COBL: variants seen among roughly 807,000 people sequenced by gnomAD.
COBL encodes protein cordon-bleu.
In COBL, 51 loss-of-function variants were observed where a neutral mutation model predicts 98.8. The observed-to-expected ratio is 0.52, with a 90% CI of 0.41 to 0.65. The LOEUF is 0.65. Among genes scored for constraint, COBL ranks in the 30% least tolerant of loss-of-function variants. The pLI is 0.00. For synonymous variants in COBL, 634 were observed against 651.7 expected, an observed-to-expected ratio of 0.97 and a Z score of 0.41; for missense variants, 1,617 against 1,617.5, an observed-to-expected ratio of 1.00 and a Z score of 0.01.
intron 1 of COBL, among the ~76,000 whole-genome samples, chr7:51,316,087 G>T (rs1412547603): frequency 6.6e-6 from 1 of 152,298 alleles, no homozygotes; most frequent in East Asian, 1.9e-4. Context: ...TGCGAAGCCG[G>T]GGAGCCCTCC....
intron 5 of COBL, among the ~76,000 whole-genome samples, chr7:51,151,542 A>G (rs950103844): frequency 2.6e-5 from 4 of 152,234 alleles, no homozygotes; most frequent in African/African-American, 9.6e-5. Context: ...TGATTTTTTA[A>G]AAAAGAGATT....
intron 8 of COBL, chr7:51,036,065 G>A (rs1788605894): frequency 6.6e-6 from 1 of 152,150 alleles, no homozygotes; most frequent in African/African-American, 2.4e-5. Flanking sequence ...ATAGTAGCTG[G>A]GTGCGGTGGC....
intron 5 of COBL, among the ~76,000 whole-genome samples, chr7:51,139,339 C>A (rs892117178): frequency 6.6e-6 from 1 of 152,160 alleles, no homozygotes; most frequent in African/African-American, 2.4e-5. Context: ...ACTGAGATGA[C>A]CTTGAATGGC....
At chr7:51,183,601 A>G (rs2129051950) in intron 5 of COBL, among the ~76,000 whole-genome samples, 1 of 152,370 alleles carries the variant, frequency 6.6e-6, no homozygotes, top group South Asian at 2.1e-4. Flanking sequence ...GTACATTCCC[A>G]GATCATATCA....
At chr7:51,019,507 A>G (rs1296541305) in intron 12 of COBL, among the ~76,000 whole-genome samples, 2 of 152,232 alleles carry the variant, frequency 1.3e-5, no homozygotes, top group African/African-American at 4.8e-5. Flanking sequence ...AGGTTAATAA[A>G]GGAACAAAGG....
At chr7:51,231,772 T>C (rs1415285482) in intron 1 of COBL, among the ~76,000 whole-genome samples, 1 of 152,140 alleles carries the variant, frequency 6.6e-6, no homozygotes, top group Non-Finnish European at 1.5e-5. Context: ...AGGCAGAAGC[T>C]GAGGGTGGGA....
intron 5 of COBL, among the ~76,000 whole-genome samples, chr7:51,160,953 G>A (rs748887357): frequency 2.0e-5 from 3 of 151,828 alleles, no homozygotes; most frequent in Non-Finnish European, 2.9e-5. Context: ...GCCCAGGCTG[G>A]AGTGCAGTGG....
intron 6 of COBL, among the ~76,000 whole-genome samples, chr7:51,102,896 C>T (rs1040432015): frequency 1.3e-5 from 2 of 152,056 alleles, no homozygotes; most frequent in Admixed American, 6.6e-5. Flanking sequence ...GGTTGCCAGG[C>T]GATGAGGGGA....
At chr7:51,169,236 T>C (rs1197396429) in intron 5 of COBL, among the ~76,000 whole-genome samples, 4 of 152,198 alleles carry the variant, frequency 2.6e-5, no homozygotes, top group Admixed American at 2.6e-4. Context: ...TGTTTAAATC[T>C]ACCTATGAGC....
chr7:51,126,347 G>A (rs542074584), intron 6 of COBL, among the ~76,000 whole-genome samples: 4 of 152,196 alleles, frequency 2.6e-5, no homozygotes, highest in African/African-American at 9.6e-5. Context: ...AGTGTTCAGA[G>A]ACCTACTCAC....
chr7:51,130,325 C>A (rs572060793), intron 6 of COBL, among the ~76,000 whole-genome samples: 1 of 152,248 alleles, frequency 6.6e-6, no homozygotes, highest in South Asian at 2.1e-4. Context: ...AAGATCAGAG[C>A]CCTCTAATTA....
intron 6 of COBL, among the ~76,000 whole-genome samples, chr7:51,093,908 A>T (rs1468604471): frequency 6.6e-6 from 1 of 151,896 alleles, no homozygotes; most frequent in Non-Finnish European, 1.5e-5. Flanking sequence ...AGAAAAAAAA[A>T]AAAAGTATAG....
chr7:51,198,986 A>T (rs1790857151), intron 2 of COBL, among the ~76,000 whole-genome samples: 1 of 152,192 alleles, frequency 6.6e-6, no homozygotes, highest in Non-Finnish European at 1.5e-5. Flanking sequence ...GACTGAAAGC[A>T]TCCCTGTCCT....
At chr7:51,019,410 G>C (rs943858996) in intron 12 of COBL, among the ~76,000 whole-genome samples, 1 of 152,150 alleles carries the variant, frequency 6.6e-6, no homozygotes, top group African/African-American at 2.4e-5. Context: ...AGAGAAATTA[G>C]AGCTGTGGTT....
At chr7:51,150,651 C>A (rs1381911083) in intron 5 of COBL, among the ~76,000 whole-genome samples, 1 of 152,150 alleles carries the variant, frequency 6.6e-6, no homozygotes, top group African/African-American at 2.4e-5. Context: ...CAGCCTACAG[C>A]AATGAGACCA....
At chr7:51,025,402 T>C in intron 11 of COBL, 30 bp from the exon 12 acceptor site, 2 of 1,610,562 alleles carry the variant, frequency 1.2e-6, no homozygotes, top group Non-Finnish European at 8.5e-7. Flanking sequence ...ATGACTGCTA[T>C]AGAGTGAATG....
intron 7 of COBL, among the ~76,000 whole-genome samples, chr7:51,081,368 A>G (rs1793652715): frequency 6.6e-6 from 1 of 152,150 alleles, no homozygotes; most frequent in Non-Finnish European, 1.5e-5. Flanking sequence ...GGGCACAAGG[A>G]GGAAATGGAG....
At chr7:51,026,923 C>T (rs2128869514) in intron 10 of COBL, among the ~76,000 whole-genome samples, 1 of 152,308 alleles carries the variant, frequency 6.6e-6, no homozygotes, top group Middle Eastern at 3.4e-3. Flanking sequence ...AGAAAATCCA[C>T]TCATGTCAGC....
At chr7:51,026,476 C>A in intron 11 of COBL, 70 bp downstream of exon 11, 2 of 1,581,208 alleles carry the variant, frequency 1.3e-6, no homozygotes, top group Non-Finnish European at 1.7e-6. Context: ...CAGCCACCAC[C>A]CAAGTGCCTC....
Sources: gnomAD v4.1 joint callset for allele counts (sites outside exome capture counted in the v4.1 genomes callset) on GRCh38, gnomAD v4.1.1 for gene constraint, MANE v1.5 for transcripts, NCBI Gene and HGNC (gene_info 2026-07-23, HGNC 2026-07-21) for gene names.